The following RIMS4 variants were observed in gnomAD, a reference collection of about 807,000 sequenced individuals.
RIMS4 encodes regulating synaptic membrane exocytosis protein 4.
In RIMS4, 9 loss-of-function variants were observed where a neutral mutation model predicts 29.0. The observed-to-expected ratio is 0.31, with a 90% CI of 0.19 to 0.54. The LOEUF (loss-of-function observed/expected upper bound fraction) is 0.54. Among genes scored for constraint, RIMS4 ranks in the 20% least tolerant of loss-of-function variants. RIMS4 has a pLI of 0.94. For missense variants in RIMS4, 193 were observed against 365.7 expected, an observed-to-expected ratio of 0.53 and a Z score of 3.85; for synonymous variants, 130 against 152.9, an observed-to-expected ratio of 0.85 and a Z score of 1.10.
intron 1 of RIMS4, among the ~76,000 whole-genome samples, chr20:44,800,064 C>T (rs1009967899): frequency 2.6e-5 from 4 of 152,168 alleles, no homozygotes; most frequent in Non-Finnish European, 5.9e-5. Context: ...AGCCAATAAG[C>T]GGCAGAGCCA....
At chr20:44,765,212 C>G (rs1046604651) in intron 2 of RIMS4, among the ~76,000 whole-genome samples, 2 of 152,186 alleles carry the variant, frequency 1.3e-5, no homozygotes, top group African/African-American at 4.8e-5. Flanking sequence ...CCCTCCTAAG[C>G]ACTGCGTTAT....
At chr20:44,781,108 A>C (rs1465808498) in intron 1 of RIMS4, among the ~76,000 whole-genome samples, 1 of 152,116 alleles carries the variant, frequency 6.6e-6, no homozygotes, top group East Asian at 1.9e-4. Context: ...TAAGAAACTT[A>C]CAGGTAGTAG....
At chr20:44,809,780 C>CG (rs1164625202) in intron 1 of RIMS4, among the ~76,000 whole-genome samples, 2 of 151,962 alleles carry the variant, frequency 1.3e-5, no homozygotes, top group Non-Finnish European at 2.9e-5. Flanking sequence ...CCTCCAATGG[C>CG]GGGGGGCGCG....
At chr20:44,770,782 A>G (rs1424641308) in intron 2 of RIMS4, among the ~76,000 whole-genome samples, 1 of 152,196 alleles carries the variant, frequency 6.6e-6, no homozygotes, top group African/African-American at 2.4e-5. Context: ...TTCAAAACCA[A>G]CGGGATTTAG....
intron 1 of RIMS4, among the ~76,000 whole-genome samples, chr20:44,808,899 T>G (rs2066310566): frequency 6.6e-6 from 1 of 152,206 alleles, no homozygotes; most frequent in East Asian, 1.9e-4. Context: ...CTACATTTTG[T>G]GGATGGTGCA....
At chr20:44,809,746 T>C (rs2066315056) in intron 1 of RIMS4, among the ~76,000 whole-genome samples, 1 of 151,460 alleles carries the variant, frequency 6.6e-6, no homozygotes, top group Non-Finnish European at 1.5e-5. Context: ...AAGACAAAGA[T>C]GGAGAGGTAA....
chr20:44,756,396 C>A lies in RIMS4; in HGVS notation c.592-44G>T. The A allele has an allele frequency of 6.5e-7, 1 of 1,538,556 alleles. No individual in the cohort carries two copies. The highest frequency in any genetic ancestry group is 1.4e-5 in the African/African-American group (1 of 73,352). On this transcript the variant is annotated intron_variant, in intron 5 of 5. Coordinates refer to ENST00000372851, the MANE Select transcript of RIMS4 (RefSeq NM_182970.4). This position sits in a 1 kb window ranked among gnomAD's most constrained non-coding sequence, Gnocchi z 5.9. ...AGTGGTTCAAATCCTGCCAGTGCCA[C>A]TCACAGGCCCAGAAGCAGAACCTGG...
chr20:44,761,816 T>C (rs1022623345), intron 2 of RIMS4, among the ~76,000 whole-genome samples: 4 of 152,232 alleles, frequency 2.6e-5, no homozygotes, highest in African/African-American at 9.6e-5. Context: ...CCAAGTCTAT[T>C]ATCTTAACAA....
chr20:44,797,267 T>C (rs145875963), intron 1 of RIMS4, among the ~76,000 whole-genome samples: 2 of 152,330 alleles, frequency 1.3e-5, no homozygotes, highest in East Asian at 3.9e-4. Context: ...CACCCTTTCA[T>C]TTACATATTG....
chr20:44,785,750 C>CTTTT (rs969567189), intron 1 of RIMS4, among the ~76,000 whole-genome samples: 1 of 122,958 alleles, frequency 8.1e-6, no homozygotes, highest in Non-Finnish European at 1.8e-5. Flanking sequence ...CATAGGTTTT[C>CTTTT]TTTTTTTTTT....
chr20:44,757,684 G>A lies in RIMS4; in HGVS notation c.437C>T (p.Ser146Phe). 6.2e-7 allele frequency: 1 copy of A among 1,614,004 alleles called. No homozygotes were observed. The highest frequency in any genetic ancestry group is 8.5e-7 in the Non-Finnish European group (1 of 1,179,886). Residue 146 changes from serine (S) to phenylalanine (F), a missense_variant, in exon 4 of 6, where the codon TCC becomes TTC. Coordinates refer to ENST00000372851, the MANE Select transcript of RIMS4 (RefSeq NM_182970.4). ...AGGCCCCAGACCTGGCAGTGTCTTG[G>A]AGCCTGGCTTGGCTGTCAGTCCCCG... ...QARGLTAKPG[S>F]KTLPAAYIKA...
intron 1 of RIMS4, among the ~76,000 whole-genome samples, chr20:44,798,489 T>C (rs969657140): frequency 1.3e-5 from 2 of 152,084 alleles, no homozygotes; most frequent in African/African-American, 4.8e-5. Context: ...ACACCCACTC[T>C]CCCCACTCTG....
intron 1 of RIMS4, among the ~76,000 whole-genome samples, chr20:44,800,455 G>C (rs776227367): frequency 3.3e-5 from 5 of 151,980 alleles, no homozygotes; most frequent in Non-Finnish European, 5.9e-5. Flanking sequence ...GGGGTGCCCA[G>C]GACACTTCCC....
intron 1 of RIMS4, among the ~76,000 whole-genome samples, chr20:44,800,638 CA>C (rs1046438387): frequency 1.8e-4 from 28 of 152,062 alleles, no homozygotes; most frequent in African/African-American, 6.8e-4. Flanking sequence ...ACCGCAGAGT[CA>C]GGGGGAGACA....
At chr20:44,777,231 T>A (rs1229052764) in intron 1 of RIMS4, among the ~76,000 whole-genome samples, 4 of 152,172 alleles carry the variant, frequency 2.6e-5, no homozygotes, top group Non-Finnish European at 4.4e-5. Context: ...TGAAAGTGTG[T>A]TAAATTGAAT....
chr20:44,759,125 G>C (rs2066073265), intron 2 of RIMS4, among the ~76,000 whole-genome samples: 1 of 152,158 alleles, frequency 6.6e-6, no homozygotes, highest in South Asian at 2.1e-4. Flanking sequence ...GTTGTATTAA[G>C]TGCGATGAGG....
At chr20:44,787,346 A>C (rs1555862237) in intron 1 of RIMS4, among the ~76,000 whole-genome samples, 1 of 152,204 alleles carries the variant, frequency 6.6e-6, no homozygotes, top group Non-Finnish European at 1.5e-5. Context: ...TGATAAAAGC[A>C]GCTAGCATTC....
intron 1 of RIMS4, among the ~76,000 whole-genome samples, chr20:44,799,113 C>G (rs6031801): frequency 0.43 from 65,842 of 151,898 alleles, 15,157 homozygotes; most frequent in African/African-American, 0.58. Context: ...GACCAGCCTG[C>G]CCAATATGGT....
At position 44,810,507 on chromosome 20, in the gene RIMS4, C is replaced by CGGCGGCGGTGGCGGCGGCGGT. The variant is rs1555866055; in HGVS notation, c.-257_-237dup. ...GCTGTGCTGCTGGCGGCGGCGGCGG[C>CGGCGGCGGTGGCGGCGGCGGT]GGCGGCGGTGGCGGCGGCGGTGGCG... On this transcript the variant is annotated 5_prime_UTR_variant, in exon 1 of 6. Coordinates refer to ENST00000372851, the MANE Select transcript of RIMS4 (RefSeq NM_182970.4). Among the ~76,000 whole-genome samples, 14 of 142,220 alleles carry CGGCGGCGGTGGCGGCGGCGGT rather than the reference C, an allele frequency of 9.8e-5. No homozygotes were observed. The East Asian group carries it at 2.1e-3, about 21-fold the overall frequency. The allele number at this position is 142,220 out of a possible 152,430, so 93.3% of individuals were successfully genotyped here. A position where few individuals can be genotyped will look rare whatever the true frequency, so the allele number is the denominator to read the frequency against.
Sources: allele counts gnomAD v4.1 joint callset (sites outside exome capture counted in the v4.1 genomes callset), GRCh38; gene constraint gnomAD v4.1.1; non-coding constraint Gnocchi (gnomAD v3.1); transcripts MANE v1.5; gene names NCBI Gene and HGNC (gene_info 2026-07-23, HGNC 2026-07-21).